FRMD4A: variants seen among roughly 807,000 people sequenced by gnomAD.
The protein encoded by FRMD4A is FERM domain containing 4A.
Under a neutral mutation model 129.1 loss-of-function variants are expected in FRMD4A, and 29 were observed. That is an observed-to-expected ratio of 0.22 (90% CI 0.17 to 0.31). FRMD4A has a LOEUF of 0.31. Ranked by LOEUF, FRMD4A falls within the 10% of genes least tolerant of loss-of-function variation. The pLI, the probability that FRMD4A is intolerant of heterozygous loss-of-function variation, is 1.00. For synonymous variants in FRMD4A, 634 were observed against 571.6 expected (o/e 1.11, Z -1.56); for missense variants, 1,272 against 1,375.8 (o/e 0.92, Z 1.19).
intron 15 of FRMD4A, among the ~76,000 whole-genome samples, chr10:13,688,071 T>A (rs761800933): frequency 6.6e-6 from 1 of 152,136 alleles, no homozygotes; most frequent in East Asian, 1.9e-4. Context: ...CATCTGCCAT[T>A]GAGTCATCTG....
chr10:13,876,529 C>T (rs2094490635), intron 2 of FRMD4A, among the ~76,000 whole-genome samples: 1 of 152,148 alleles, frequency 6.6e-6, no homozygotes, highest in South Asian at 2.1e-4. Flanking sequence ...TTCACGTGCT[C>T]AGTAACCAAG....
At chr10:13,805,733 G>A (rs117061769) in intron 4 of FRMD4A, among the ~76,000 whole-genome samples, 2,242 of 152,188 alleles carry the variant, frequency 0.015, 18 homozygotes, top group Admixed American at 0.027. Context: ...CTGTCACCAG[G>A]GCTGGAGTGC....
At chr10:14,091,357 G>A (rs535571065) in intron 2 of FRMD4A, among the ~76,000 whole-genome samples, 41 of 152,078 alleles carry the variant, frequency 2.7e-4, no homozygotes, top group Admixed American at 2.1e-3. Context: ...AAAAAATTGC[G>A]CTGTGTGTAT....
rs549621959 is a variant in FRMD4A, at chr10:13,994,175, ATTTTTTTT to A, written c.46-135271_46-135264del. On this transcript the variant is annotated intron_variant, in intron 2 of 24. Coordinates refer to ENST00000357447, the MANE Select transcript of FRMD4A (RefSeq NM_018027.5). ...AGGAGTGTGCCACCACGCCCAGCTA[ATTTTTTTT>A]TTTTTTTTTTTTTTTTTGAGACAGT... is the stretch of plus-strand genomic sequence containing the variant. 4.3e-3 allele frequency among the ~76,000 whole-genome samples: 435 copies of A among 101,954 alleles called. 1 individual carries two copies. Among genetic ancestry groups the A allele is most frequent in the African/African-American group, 0.014 (333 of 23,182 alleles). The allele number at this position is 101,954 out of a possible 152,430, so 66.9% of individuals were successfully genotyped here.
chr10:13,697,152 A>ATTTTTTTT (rs11309575), intron 14 of FRMD4A, among the ~76,000 whole-genome samples: 1 of 136,560 alleles, frequency 7.3e-6, no homozygotes, highest in Non-Finnish European at 1.6e-5. Flanking sequence ...AAACTACTGG[A>ATTTTTTTT]TTTTTTTTTT....
At chr10:14,168,005 G>T (rs1361923686) in intron 2 of FRMD4A, among the ~76,000 whole-genome samples, 1 of 152,160 alleles carries the variant, frequency 6.6e-6, no homozygotes, top group East Asian at 1.9e-4. Flanking sequence ...TCAGTGAGTC[G>T]GGATTTCTGG....
At chr10:14,169,645 T>C (rs1037318541) in intron 2 of FRMD4A, among the ~76,000 whole-genome samples, 3 of 152,206 alleles carry the variant, frequency 2.0e-5, no homozygotes, top group Admixed American at 2.0e-4. Context: ...ATGTGGCCCT[T>C]TCTTGGAACA....
intron 2 of FRMD4A, among the ~76,000 whole-genome samples, chr10:14,040,519 T>G (rs1435429199): frequency 6.6e-6 from 1 of 152,212 alleles, no homozygotes; most frequent in Admixed American, 6.5e-5. Context: ...ATGCAATTCT[T>G]TAACTCTGGG....
intron 3 of FRMD4A, among the ~76,000 whole-genome samples, chr10:13,855,014 G>C (rs1474837617): frequency 6.6e-6 from 1 of 152,140 alleles, no homozygotes; most frequent in East Asian, 1.9e-4. Context: ...TTAATTCCTA[G>C]TATGTCACTC....
chr10:14,270,940 G>T (rs1316715266), intron 2 of FRMD4A, among the ~76,000 whole-genome samples: 1 of 152,162 alleles, frequency 6.6e-6, no homozygotes, highest in African/African-American at 2.4e-5. Context: ...TAAAAAAAGA[G>T]ATTTAATTGG....
At chr10:13,855,136 A>G (rs2094195360) in intron 3 of FRMD4A, among the ~76,000 whole-genome samples, 1 of 152,218 alleles carries the variant, frequency 6.6e-6, no homozygotes, top group African/African-American at 2.4e-5. Flanking sequence ...TGGAATAAGC[A>G]TGAAACATTA....
chr10:14,255,573 A>G (rs1270771439), intron 2 of FRMD4A, among the ~76,000 whole-genome samples: 4 of 152,218 alleles, frequency 2.6e-5, no homozygotes, highest in Admixed American at 6.5e-5. Flanking sequence ...GATGAGCACA[A>G]TTGCCCTTGC....
At chr10:13,771,889 G>A (rs771519022) in intron 6 of FRMD4A, among the ~76,000 whole-genome samples, 8 of 151,988 alleles carry the variant, frequency 5.3e-5, no homozygotes, top group Middle Eastern at 6.8e-3. Context: ...AGACCAGCCT[G>A]GGCAACATGG....
chr10:13,732,305 C>A lies in FRMD4A; in HGVS notation c.759+5539G>T, dbSNP rs572870181. On this transcript the variant is annotated intron_variant, in intron 12 of 24. Transcript: ENST00000357447. ...AGTCATCAGCTACTCTTTCTTGGTG[C>A]CTTTTTTGTTTGTTTGGGCTTTTTT... Among the ~76,000 whole-genome samples the A allele has an allele frequency of 1.0e-4, 13 of 126,134 alleles. 1 individual carries two copies. Among genetic ancestry groups the A allele is most frequent in the African/African-American group, 3.6e-4 (12 of 33,186 alleles). 82.7% of individuals were successfully genotyped at this position (126,134 alleles called of 152,430 possible).
intron 2 of FRMD4A, among the ~76,000 whole-genome samples, chr10:14,087,873 G>A (rs1177805626): frequency 6.6e-6 from 1 of 152,152 alleles, no homozygotes; most frequent in Non-Finnish European, 1.5e-5. Flanking sequence ...AACAGAAGGG[G>A]AAACAAAAGG....
intron 3 of FRMD4A, among the ~76,000 whole-genome samples, chr10:13,841,376 CT>C (rs763807881): frequency 2.4e-4 from 36 of 152,278 alleles, no homozygotes; most frequent in Admixed American, 8.5e-4. Flanking sequence ...TGGATCACCC[CT>C]GAGTTTACGC....
intron 3 of FRMD4A, among the ~76,000 whole-genome samples, chr10:13,854,129 C>T (rs2094180907): frequency 1.3e-5 from 2 of 152,174 alleles, no homozygotes; most frequent in South Asian, 2.1e-4. Flanking sequence ...CTAACGGCTT[C>T]CTGTACCCCA....
At chr10:14,014,318 T>C (rs1329213904) in intron 2 of FRMD4A, among the ~76,000 whole-genome samples, 1 of 152,238 alleles carries the variant, frequency 6.6e-6, no homozygotes, top group East Asian at 1.9e-4. Flanking sequence ...ACACATTCTA[T>C]GCATGTAACA....
chr10:13,685,610 T>C (rs1365708276), intron 15 of FRMD4A: 1 of 983,904 alleles, frequency 1.0e-6, no homozygotes, highest in East Asian at 1.1e-4. Flanking sequence ...AACAGAGGGC[T>C]GGCCCTAAAT....
Sources: gnomAD v4.1 joint callset for allele counts (sites outside exome capture counted in the v4.1 genomes callset) on GRCh38, gnomAD v4.1.1 for gene constraint, MANE v1.5 for transcripts, NCBI Gene and HGNC (gene_info 2026-07-23, HGNC 2026-07-21) for gene names.